Variants in SNX14 observed in about 807,000 individuals in gnomAD.
SNX14 encodes the protein sorting nexin-14.
In SNX14, 93 loss-of-function variants were observed where a neutral mutation model predicts 133.8. The observed-to-expected ratio is 0.70, with a 90% CI of 0.59 to 0.83. SNX14 has a LOEUF of 0.83. SNX14 is among the 40% of genes least tolerant of loss of function. The pLI, the probability that SNX14 is intolerant of heterozygous loss-of-function variation, is 0.00. For missense variants in SNX14, 945 were observed against 1,094.9 expected (o/e 0.86, Z 1.93); for synonymous variants, 368 against 365.6 (o/e 1.01, Z -0.07).
At chr6:85,565,809 A>T (rs528201908) in intron 5 of SNX14, among the ~76,000 whole-genome samples, 1 of 152,282 alleles carries the variant, frequency 6.6e-6, no homozygotes, top group East Asian at 1.9e-4. Flanking sequence ...TACTTATAAA[A>T]TAAATTCTAA....
intron 7 of SNX14, among the ~76,000 whole-genome samples, chr6:85,557,612 G>A (rs146608138): frequency 9.9e-5 from 15 of 152,230 alleles, no homozygotes; most frequent in African/African-American, 3.6e-4. Context: ...AAGACAACAT[G>A]AGACTTGTCA....
At position 85,543,349 on chromosome 6, in the gene SNX14, T is replaced by G. The variant is rs779785394; in HGVS notation, c.1265-43A>C. ...CTGTAGAAATTATTTATAAATAGCA[T>G]AAATATATACAGTTCTAAAACGTTT... On this transcript the variant is annotated intron_variant, in intron 13 of 28. Coordinates refer to ENST00000314673, the MANE Select transcript of SNX14 (RefSeq NM_153816.6). 3 of 1,490,930 alleles carry G rather than the reference T, an allele frequency of 2.0e-6. No individual in the cohort carries two copies. The South Asian group carries it at 4.1e-5, about 20-fold the overall frequency. 92.4% of individuals were successfully genotyped at this position (1,490,930 alleles called of 1,614,324 possible).
At chr6:85,577,134 C>A (rs1797587787) in intron 1 of SNX14, among the ~76,000 whole-genome samples, 1 of 152,052 alleles carries the variant, frequency 6.6e-6, no homozygotes, top group Non-Finnish European at 1.5e-5. Context: ...GCAGAAGGAG[C>A]CAGGTACAGT....
intron 7 of SNX14, among the ~76,000 whole-genome samples, chr6:85,556,608 C>G (rs902106983): frequency 4.6e-5 from 7 of 151,724 alleles, no homozygotes; most frequent in African/African-American, 1.2e-4. Flanking sequence ...GTAGCACCAC[C>G]ACACCTGGCT....
At chr6:85,568,173 A>G (rs1215008619) in intron 4 of SNX14, 1 of 152,198 alleles carries the variant, frequency 6.6e-6, no homozygotes, top group Non-Finnish European at 1.5e-5. Context: ...CCATAATCAA[A>G]CAAAAAGTTA....
chr6:85,523,138 T>A (rs1777428282), intron 21 of SNX14, among the ~76,000 whole-genome samples: 1 of 152,092 alleles, frequency 6.6e-6, no homozygotes, highest in Admixed American at 6.6e-5. Context: ...AAGGAAGTAG[T>A]AAGAAATAAT....
At chr6:85,514,049 A>C (rs1214312181) in intron 25 of SNX14, 21 bp downstream of exon 25, 1 of 1,590,928 alleles carries the variant, frequency 6.3e-7, no homozygotes. Context: ...ATATGAAACA[A>C]ACACATTAGA....
intron 1 of SNX14, among the ~76,000 whole-genome samples, chr6:85,577,387 C>G (rs762059234): frequency 6.6e-6 from 1 of 151,886 alleles, no homozygotes; most frequent in Non-Finnish European, 1.5e-5. Flanking sequence ...CACTGCACTC[C>G]GGCTGGGTGA....
chr6:85,546,800 T>C (rs1327855417), intron 12 of SNX14, among the ~76,000 whole-genome samples: 1 of 152,022 alleles, frequency 6.6e-6, no homozygotes, highest in South Asian at 2.1e-4. Context: ...CCATCTCTAC[T>C]AAAAATACAA....
At chr6:85,527,767 C>T (rs926374138) in intron 20 of SNX14, among the ~76,000 whole-genome samples, 1 of 151,780 alleles carries the variant, frequency 6.6e-6, no homozygotes, top group Admixed American at 6.6e-5. Flanking sequence ...TTCAACTCCA[C>T]GTAGCAAATA....
At chr6:85,508,872 C>G (rs1771736617) in intron 26 of SNX14, among the ~76,000 whole-genome samples, 1 of 152,072 alleles carries the variant, frequency 6.6e-6, no homozygotes, top group Non-Finnish European at 1.5e-5. Flanking sequence ...AAATATTTAT[C>G]CTTTTTCCCC....
rs1562027251 is a variant in SNX14 at position 85,590,123 on chromosome 6, A to G, written c.140+3456T>C. On this transcript the variant is annotated intron_variant, in intron 1 of 28. Transcript: ENST00000314673. ...TTCTGACTTCAGGGACAAAGCATCA[A>G]TGAAATTAATCCAGAAAGAATGATT... Among the ~76,000 whole-genome samples the G allele has an allele frequency of 4.6e-5, 7 of 152,322 alleles. No individual in the cohort carries two copies. In the South Asian group the frequency reaches 1.2e-3, roughly 27 times the overall value.
At chr6:85,567,729 TC>T in intron 4 of SNX14, 152 bp from the exon 5 acceptor site, 1 of 450,348 alleles carries the variant, frequency 2.2e-6, no homozygotes, top group Non-Finnish European at 3.9e-6. Flanking sequence ...ACACCTGTAA[TC>T]CCAGCACTTT....
intron 15 of SNX14, among the ~76,000 whole-genome samples, chr6:85,541,240 G>A (rs1407872210): frequency 1.3e-5 from 2 of 152,034 alleles, no homozygotes; most frequent in Non-Finnish European, 1.5e-5. Context: ...TGATCCCCAC[G>A]TCTCGGCCTC....
intron 5 of SNX14, among the ~76,000 whole-genome samples, chr6:85,565,829 C>T (rs1482386784): frequency 6.6e-6 from 1 of 151,850 alleles, no homozygotes; most frequent in Non-Finnish European, 1.5e-5. Flanking sequence ...AAAGTTAAAA[C>T]AAAAAAATGT....
rs573891808 is a variant in SNX14 at position 85,582,546 on chromosome 6, A to G, written c.141-8168T>C. Among the ~76,000 whole-genome samples the G allele has an allele frequency of 3.3e-5, 5 of 152,270 alleles. No individual in the cohort carries two copies. In the South Asian group the frequency reaches 8.3e-4, roughly 25 times the overall value. On this transcript the variant is annotated intron_variant, in intron 1 of 28. Transcript: ENST00000314673. ...AATAGACCACTAGCCAGACTAATAA[A>G]GAAGAGAGAGAAGAATCAAATAGAC...
intron 12 of SNX14, among the ~76,000 whole-genome samples, chr6:85,544,528 G>A (rs556020132): frequency 1.3e-5 from 2 of 152,184 alleles, no homozygotes; most frequent in African/African-American, 4.8e-5. Context: ...GTCAGGTGTG[G>A]TGGCTCATGC....
chr6:85,511,505 A>C (rs1772817678), intron 26 of SNX14, among the ~76,000 whole-genome samples: 1 of 152,154 alleles, frequency 6.6e-6, no homozygotes, highest in Non-Finnish European at 1.5e-5. Flanking sequence ...ATAGCTTTTA[A>C]GTTTTTCATC....
chr6:85,574,613 T>C (rs921503058), intron 1 of SNX14, among the ~76,000 whole-genome samples: 1 of 152,228 alleles, frequency 6.6e-6, no homozygotes, highest in Admixed American at 6.5e-5. Flanking sequence ...ATTTCATAAT[T>C]GGTACCTATG....
Sources: gnomAD v4.1 joint callset for allele counts (sites outside exome capture counted in the v4.1 genomes callset) on GRCh38, gnomAD v4.1.1 for gene constraint, MANE v1.5 for transcripts, NCBI Gene and HGNC (gene_info 2026-07-23, HGNC 2026-07-21) for gene names.